Variants in CACNA1C observed in about 807,000 individuals in gnomAD.
The protein encoded by CACNA1C is calcium voltage-gated channel subunit alpha1 C.
CACNA1C carries 30 observed loss-of-function variants against 229.0 expected under a neutral mutation model. The ratio of observed to expected loss-of-function variants is 0.13; its 90% confidence interval spans 0.10 to 0.18. CACNA1C has a LOEUF of 0.18. CACNA1C is among the 10% of genes least tolerant of loss of function. The pLI, the probability that CACNA1C is intolerant of heterozygous loss-of-function variation, is 1.00. For synonymous variants in CACNA1C, 1,114 were observed against 1,132.5 expected, an observed-to-expected ratio of 0.98 and a Z score of 0.33; for missense variants, 1,658 against 2,845.0, an observed-to-expected ratio of 0.58 and a Z score of 9.49.
At chr12:2,110,633 G>A (rs1031272407) in intron 1 of CACNA1C, among the ~76,000 whole-genome samples, 1 of 152,172 alleles carries the variant, frequency 6.6e-6, no homozygotes, top group Non-Finnish European at 1.5e-5. Context: ...TCAAAACATT[G>A]AGCCAGAGAT....
chr12:2,661,270 T>TACACACACAC (rs571791344), intron 34 of CACNA1C, among the ~76,000 whole-genome samples: 11 of 131,258 alleles, frequency 8.4e-5, no homozygotes, highest in East Asian at 4.6e-4. Flanking sequence ...TCTAAACACA[T>TACACACACAC]ACACACACAT....
chr12:2,298,536 A>T (rs2094280446), intron 3 of CACNA1C, among the ~76,000 whole-genome samples: 1 of 152,128 alleles, frequency 6.6e-6, no homozygotes, highest in Non-Finnish European at 1.5e-5. Context: ...TGACCTTGTG[A>T]TCTGCCCGCC....
At chr12:2,201,763 T>C (rs1048531935) in intron 3 of CACNA1C, among the ~76,000 whole-genome samples, 1 of 152,144 alleles carries the variant, frequency 6.6e-6, no homozygotes, top group Non-Finnish European at 1.5e-5. Flanking sequence ...CTTCCTTGAG[T>C]GAGGAACCCT....
intron 1 of CACNA1C, among the ~76,000 whole-genome samples, chr12:1,998,413 C>T (rs1453447790): frequency 6.6e-6 from 1 of 152,158 alleles, no homozygotes; most frequent in Admixed American, 6.5e-5. Context: ...TTTTCTCCTG[C>T]CATATCCAGT....
chr12:2,686,145 G>C (rs2153836135), intron 44 of CACNA1C, 21 bp from the exon 45 acceptor site: 1 of 1,594,728 alleles, frequency 6.3e-7, no homozygotes, highest in South Asian at 1.1e-5. Context: ...CCTGATGGTG[G>C]CTCTCTGGCT....
At chr12:2,661,678 AAG>A (rs1360421829) in intron 34 of CACNA1C, among the ~76,000 whole-genome samples, 1 of 152,190 alleles carries the variant, frequency 6.6e-6, no homozygotes, top group African/African-American at 2.4e-5. Context: ...CAATGAGAAA[AAG>A]AGAAAAAAGC....
rs888898530 is a variant in CACNA1C at position 2,142,095 on chromosome 12, C to T, written c.477+21665C>T. Among the ~76,000 whole-genome samples the T allele has an allele frequency of 3.3e-5, 5 of 151,046 alleles. 1 individual carries two copies. Among genetic ancestry groups the T allele is most frequent in the Admixed American group, 2.0e-4 (3 of 14,992 alleles). Reference sequence around the variant, plus strand: ...GGTGGGGGACAGCCACCACCTGGCACGTGATGGTGGCAAGAATGCCTAATG... The same window carrying T: ...GGTGGGGGACAGCCACCACCTGGCATGTGATGGTGGCAAGAATGCCTAATG... On this transcript the variant is annotated intron_variant, in intron 3 of 46. Transcript: ENST00000399655.
At chr12:2,454,668 A>C (rs1567782429) in intron 4 of CACNA1C, among the ~76,000 whole-genome samples, 1 of 152,110 alleles carries the variant, frequency 6.6e-6, no homozygotes, top group African/African-American at 2.4e-5. Context: ...CTCACTTTAC[A>C]CTCATGACCT....
chr12:2,625,679 A>G (rs2086030928), intron 29 of CACNA1C, among the ~76,000 whole-genome samples: 1 of 152,048 alleles, frequency 6.6e-6, no homozygotes, highest in Non-Finnish European at 1.5e-5. Flanking sequence ...GGCCAGGCAC[A>G]GTGGCTCACA....
chr12:2,112,809 A>AG (rs1487554595), intron 1 of CACNA1C, among the ~76,000 whole-genome samples: 59 of 152,304 alleles, frequency 3.9e-4, no homozygotes, highest in Non-Finnish European at 2.9e-5. Context: ...GAGTCCCTTA[A>AG]GTATATAGCA....
At chr12:2,443,201 A>G (rs2099245485) in intron 3 of CACNA1C, among the ~76,000 whole-genome samples, 1 of 152,264 alleles carries the variant, frequency 6.6e-6, no homozygotes, top group African/African-American at 2.4e-5. Context: ...TTAGTTACTT[A>G]CAAGATACAA....
intron 3 of CACNA1C, among the ~76,000 whole-genome samples, chr12:2,160,868 C>T (rs1009662690): frequency 2.0e-5 from 3 of 152,194 alleles, no homozygotes; most frequent in African/African-American, 4.8e-5. Context: ...GTCACCCAGG[C>T]GGGAGTGCAG....
chr12:2,117,720 C>T (rs950489980), intron 2 of CACNA1C, among the ~76,000 whole-genome samples: 1 of 152,238 alleles, frequency 6.6e-6, no homozygotes, highest in Non-Finnish European at 1.5e-5. Context: ...TCAGGGCCTG[C>T]AGTCCAGGTG....
intron 1 of CACNA1C, among the ~76,000 whole-genome samples, chr12:2,035,598 G>A (rs1315765723): frequency 2.0e-5 from 3 of 152,188 alleles, no homozygotes; most frequent in African/African-American, 7.2e-5. Flanking sequence ...GTGTAAGTGC[G>A]CGGACTCATC....
In CACNA1C at chr12:2,677,053, T is replaced by G. The variant is rs559120644; in HGVS notation, c.4829-41T>G. The G allele has an allele frequency of 3.9e-5, 60 of 1,549,556 alleles. No individual in the cohort carries two copies. Among genetic ancestry groups the G allele is most frequent in the Non-Finnish European group, 2.7e-6 (3 of 1,128,926 alleles). On this transcript the variant is annotated intron_variant, in intron 39 of 46. Coordinates refer to ENST00000399655, the MANE Select transcript of CACNA1C (RefSeq NM_000719.7). The surrounding 1 kb of genome is among the most constrained non-coding windows in gnomAD (Gnocchi z 7.4). The stretch of plus-strand genomic sequence containing the variant: ...TGAATGAAGTTCAACTGAATTCCCC[T>G]GCTCCCCTCTTACCCCCTCTCCCCT...
intron 3 of CACNA1C, among the ~76,000 whole-genome samples, chr12:2,273,884 G>A (rs2370415): frequency 6.6e-6 from 1 of 152,188 alleles, no homozygotes. Flanking sequence ...TGGACAGCAC[G>A]TGTGTGCAGG....
At chr12:2,376,645 T>C (rs1228846954) in intron 3 of CACNA1C, among the ~76,000 whole-genome samples, 1 of 152,098 alleles carries the variant, frequency 6.6e-6, no homozygotes, top group African/African-American at 2.4e-5. Context: ...TGAGCTGCAG[T>C]ATATTTCTGC....
chr12:2,007,889 G>T (rs555215497), intron 1 of CACNA1C, among the ~76,000 whole-genome samples: 1 of 151,962 alleles, frequency 6.6e-6, no homozygotes, highest in Non-Finnish European at 1.5e-5. Flanking sequence ...TTTTTCTTGT[G>T]GCACTTAGCT....
chr12:2,608,389 C>A lies in CACNA1C; in HGVS notation c.3357-122C>A. 2 of 682,520 alleles carry A rather than the reference C, an allele frequency of 2.9e-6. No individual in the cohort carries two copies. The highest frequency in any genetic ancestry group is 4.8e-6 in the Non-Finnish European group (2 of 416,194). 42.3% of individuals were successfully genotyped at this position (682,520 alleles called of 1,614,324 possible). On this transcript the variant is annotated intron_variant, in intron 26 of 46. Transcript: ENST00000399655. The surrounding 1 kb of genome is among the most constrained non-coding windows in gnomAD (Gnocchi z 4.2). ...CAGCCAGTAAGAGGCCGAGCTGGGA[C>A]TCCAGCCCAGAGCTGTCTCCTGCAC... is the stretch of plus-strand genomic sequence containing the variant.
Sources: gnomAD v4.1 joint callset for allele counts (sites outside exome capture counted in the v4.1 genomes callset) on GRCh38, gnomAD v4.1.1 for gene constraint, Gnocchi (gnomAD v3.1) non-coding constraint, MANE v1.5 for transcripts, NCBI Gene and HGNC (gene_info 2026-07-23, HGNC 2026-07-21) for gene names.